Variants in TBC1D5 observed in about 807,000 individuals in gnomAD.
TBC1D5 encodes the protein TBC1 domain family member 5.
Under a neutral mutation model 100.3 loss-of-function variants are expected in TBC1D5, and 75 were observed. The observed-to-expected ratio is 0.75, with a 90% CI of 0.62 to 0.91. TBC1D5 has a LOEUF of 0.91. Among genes scored for constraint, TBC1D5 ranks in the 40% least tolerant of loss-of-function variants. TBC1D5 has a pLI of 0.00. For missense variants in TBC1D5, 910 were observed against 942.4 expected, an observed-to-expected ratio of 0.97 and a Z score of 0.45; for synonymous variants, 323 against 325.6, an observed-to-expected ratio of 0.99 and a Z score of 0.09.
At chr3:17,315,816 G>A (rs1444851206) in intron 13 of TBC1D5, among the ~76,000 whole-genome samples, 1 of 152,136 alleles carries the variant, frequency 6.6e-6, no homozygotes, top group Non-Finnish European at 1.5e-5. Flanking sequence ...ATCCAAAGTA[G>A]CCAGGGGAAA....
At chr3:17,622,191 T>A (rs917968156) in intron 2 of TBC1D5, among the ~76,000 whole-genome samples, 8 of 152,202 alleles carry the variant, frequency 5.3e-5, no homozygotes, top group African/African-American at 1.9e-4. Flanking sequence ...TGTGGATCCC[T>A]CGCATACACA....
At chr3:17,507,812 T>C (rs1231512055) in intron 3 of TBC1D5, among the ~76,000 whole-genome samples, 1 of 152,182 alleles carries the variant, frequency 6.6e-6, no homozygotes, top group Non-Finnish European at 1.5e-5. Flanking sequence ...TCAAAAATTC[T>C]CACAAACTCA....
chr3:17,717,734 C>T (rs2075355349), intron 1 of TBC1D5, among the ~76,000 whole-genome samples: 1 of 152,154 alleles, frequency 6.6e-6, no homozygotes, highest in African/African-American at 2.4e-5. Context: ...CACCAATATC[C>T]TCCATACTAC....
intron 16 of TBC1D5, among the ~76,000 whole-genome samples, chr3:17,242,773 T>C (rs1415469083): frequency 6.6e-6 from 1 of 152,074 alleles, no homozygotes; most frequent in African/African-American, 2.4e-5. Flanking sequence ...AGTGGGAAAA[T>C]GTTCTGATTT....
At chr3:17,570,138 C>T (rs2096617869) in intron 2 of TBC1D5, among the ~76,000 whole-genome samples, 1 of 151,906 alleles carries the variant, frequency 6.6e-6, no homozygotes, top group African/African-American at 2.4e-5. Flanking sequence ...TAAGTGGAGG[C>T]CTTGACCTTA....
intron 1 of TBC1D5, among the ~76,000 whole-genome samples, chr3:17,695,891 AAACT>A (rs2071983778): frequency 6.6e-6 from 1 of 152,220 alleles, no homozygotes; most frequent in South Asian, 2.1e-4. Context: ...AAATCACAAC[AAACT>A]GTCTCTCAGA....
At chr3:17,414,060 G>C (rs1010919507) in intron 4 of TBC1D5, among the ~76,000 whole-genome samples, 5 of 152,224 alleles carry the variant, frequency 3.3e-5, no homozygotes, top group Non-Finnish European at 7.3e-5. Context: ...GGGAGGTATA[G>C]TGATAGGGAA....
intron 7 of TBC1D5, among the ~76,000 whole-genome samples, chr3:17,404,144 G>GA (rs559504236): frequency 2.2e-4 from 33 of 152,064 alleles, no homozygotes; most frequent in Non-Finnish European, 4.4e-4. Context: ...GGATTAAATG[G>GA]AAAAAATGTG....
chr3:17,509,682 T>C (rs2095880592), intron 2 of TBC1D5, among the ~76,000 whole-genome samples: 1 of 152,002 alleles, frequency 6.6e-6, no homozygotes, highest in Non-Finnish European at 1.5e-5. Flanking sequence ...CTTGTTTATA[T>C]GATACACATA....
chr3:17,348,060 A>T (rs1038053754), intron 13 of TBC1D5, among the ~76,000 whole-genome samples: 45 of 152,296 alleles, frequency 3.0e-4, no homozygotes, highest in African/African-American at 1.1e-3. Flanking sequence ...TTACAATATC[A>T]TCTTGGACTT....
At position 17,228,811 on chromosome 3, in the gene TBC1D5, T is replaced by C. The variant is rs73032763; in HGVS notation, c.1588+9352A>G. ...TCTCTGAAACACTCAATAAAAGTAC[T>C]GTGCCCTGTGTGCTCTATGTCATTG... On this transcript the variant is annotated intron_variant, in intron 17 of 21. Coordinates refer to ENST00000253692, the Ensembl canonical transcript of TBC1D5. Among the ~76,000 whole-genome samples the C allele has an allele frequency of 2.9e-3, 446 of 152,110 alleles. 2 individuals are homozygous for C. Among genetic ancestry groups the C allele is most frequent in the Non-Finnish European group, 3.4e-3 (229 of 67,998 alleles).
rs567025279 is a variant in TBC1D5 at position 17,530,939 on chromosome 3, T to G, written c.-35-22334A>C. Among the ~76,000 whole-genome samples, 530 of 152,238 alleles carry G rather than the reference T, an allele frequency of 3.5e-3. 4 individuals are homozygous for G. The highest frequency in any genetic ancestry group is 0.012 in the African/African-American group (502 of 41,544). On this transcript the variant is annotated intron_variant, in intron 2 of 21. Transcript: ENST00000253692. ...AAACTGGCTCAAGACAGGGATGCCCTCTCTCACCACTCTTATTCAACATAG... is the reference window on the plus strand; with the variant it reads ...AAACTGGCTCAAGACAGGGATGCCCGCTCTCACCACTCTTATTCAACATAG...
chr3:17,717,207 T>C (rs1044793530), intron 1 of TBC1D5, among the ~76,000 whole-genome samples: 3 of 150,380 alleles, frequency 2.0e-5, no homozygotes, highest in African/African-American at 7.3e-5. Context: ...TCTGAAAAAA[T>C]ATGCCATGAG....
chr3:17,558,201 C>T (rs1256611312), intron 2 of TBC1D5, among the ~76,000 whole-genome samples: 1 of 152,154 alleles, frequency 6.6e-6, no homozygotes, highest in Non-Finnish European at 1.5e-5. Context: ...TATCCCAAAA[C>T]CTGAGAGGAT....
intron 17 of TBC1D5, among the ~76,000 whole-genome samples, chr3:17,234,261 T>C (rs1050249294): frequency 1.3e-5 from 2 of 152,166 alleles, no homozygotes; most frequent in Non-Finnish European, 2.9e-5. Context: ...AGTTACCACA[T>C]GTACTTATAA....
intron 4 of TBC1D5, among the ~76,000 whole-genome samples, chr3:17,421,034 G>C (rs2094194731): frequency 6.6e-6 from 1 of 152,220 alleles, no homozygotes; most frequent in Admixed American, 6.5e-5. Context: ...GCCAGTGTGG[G>C]TTGATAATTA....
At chr3:17,425,018 T>A (rs751447549) in intron 4 of TBC1D5, among the ~76,000 whole-genome samples, 15 of 152,208 alleles carry the variant, frequency 9.9e-5, no homozygotes, top group Non-Finnish European at 1.8e-4. Context: ...AAGCACTCTT[T>A]CTGCTAACAG....
chr3:17,284,125 T>TACACACACACACAC lies in TBC1D5; in HGVS notation c.1245+7769_1245+7770insGTGTGTGTGTGTGT, dbSNP rs1559549230. 1.5e-4 allele frequency among the ~76,000 whole-genome samples: 8 copies of TACACACACACACAC among 53,458 alleles called. No individual in the cohort carries two copies. In the South Asian group the frequency reaches 2.8e-3, roughly 19 times the overall value. 35.1% of individuals were successfully genotyped at this position (53,458 alleles called of 152,430 possible). The stretch of plus-strand genomic sequence containing the variant: ...ACACACACACACACACACACACACG[T>TACACACACACACAC]ATTTTTAATTTAGACAGAGTCTTGG... On this transcript the variant is annotated intron_variant, in intron 15 of 21. Transcript: ENST00000253692.
chr3:17,399,778 C>T (rs1402119731), intron 8 of TBC1D5, among the ~76,000 whole-genome samples: 4 of 152,100 alleles, frequency 2.6e-5, no homozygotes, highest in Non-Finnish European at 5.9e-5. Flanking sequence ...TTGCTCTAGC[C>T]GAACTGACTT....
Sources: gnomAD v4.1 joint callset for allele counts (sites outside exome capture counted in the v4.1 genomes callset) on GRCh38, gnomAD v4.1.1 for gene constraint, MANE v1.5 for transcripts, NCBI Gene and HGNC (gene_info 2026-07-23, HGNC 2026-07-21) for gene names.